The following DPM1 variants were observed in gnomAD, a reference collection of about 807,000 sequenced individuals.
DPM1 encodes the protein dolichol-phosphate mannosyltransferase subunit 1.
DPM1 carries 27 observed loss-of-function variants against 39.0 expected under a neutral mutation model. That is an observed-to-expected ratio of 0.69 (90% CI 0.51 to 0.95). DPM1 has a LOEUF of 0.95. Among genes scored for constraint, DPM1 ranks in the 40% least tolerant of loss-of-function variants. The pLI, the probability that DPM1 is intolerant of heterozygous loss-of-function variation, is 0.00. For synonymous variants in DPM1, 124 were observed against 109.0 expected, an observed-to-expected ratio of 1.14 and a Z score of -0.86; for missense variants, 307 against 315.6, an observed-to-expected ratio of 0.97 and a Z score of 0.21.
intron 5 of DPM1, 47 bp downstream of exon 5, chr20:50,945,690 A>G: frequency 6.9e-7 from 1 of 1,459,346 alleles, no homozygotes; most frequent in Admixed American, 1.7e-5. Flanking sequence ...CCAGTAAGAT[A>G]AATGTTTCCA....
intron 5 of DPM1, chr20:50,944,537 G>C (rs957771629): frequency 1.1e-4 from 17 of 152,412 alleles, no homozygotes; most frequent in African/African-American, 4.1e-4. Flanking sequence ...AAAAAGGAAG[G>C]AGCACAAGGC....
intron 8 of DPM1, 111 bp from the exon 9 acceptor site, chr20:50,935,347 C>T (rs555496842): frequency 1.4e-6 from 1 of 719,398 alleles, no homozygotes; most frequent in Non-Finnish European, 2.5e-6. Flanking sequence ...CAACAGAGGT[C>T]CTTAAAGTAA....
intron 1 of DPM1, among the ~76,000 whole-genome samples, chr20:50,957,935 C>T (rs1245838749): frequency 1.3e-5 from 2 of 152,220 alleles, no homozygotes; most frequent in African/African-American, 2.4e-5. Context: ...CCCTAACCCA[C>T]ACACACCAAA....
chr20:50,945,129 A>G (rs932083103), intron 5 of DPM1: 5 of 153,196 alleles, frequency 3.3e-5, no homozygotes, highest in African/African-American at 1.2e-4. Context: ...CCTTTTGTTC[A>G]CGGTGTTTTA....
upstream of DPM1, chr20:50,958,541 T>G (rs1277387187): frequency 2.5e-6 from 4 of 1,612,560 alleles, no homozygotes; most frequent in Non-Finnish European, 3.4e-6. Flanking sequence ...CTGAGCCAGA[T>G]GCCGGAAGCG....
At chr20:50,946,190 A>G (rs1022212982) in intron 3 of DPM1, among the ~76,000 whole-genome samples, 6 of 152,240 alleles carry the variant, frequency 3.9e-5, no homozygotes, top group Non-Finnish European at 8.8e-5. Flanking sequence ...GAAATAGTTT[A>G]TAAGTTCAAA....
chr20:50,949,855 T>A (rs1190148122), intron 2 of DPM1, among the ~76,000 whole-genome samples: 1 of 152,158 alleles, frequency 6.6e-6, no homozygotes, highest in Non-Finnish European at 1.5e-5. Context: ...TCTATGTGTA[T>A]CCTTACAAGT....
intron 2 of DPM1, among the ~76,000 whole-genome samples, chr20:50,950,095 C>T (rs1324876446): frequency 9.2e-5 from 14 of 152,072 alleles, no homozygotes; most frequent in Admixed American, 9.2e-4. Context: ...TGCTTTGATT[C>T]CTTACTTTTT....
chr20:50,945,773 A>G lies in DPM1; in HGVS notation c.373-11T>C, dbSNP rs750138754. The G allele has an allele frequency of 4.4e-6, 7 of 1,605,416 alleles. No homozygotes were observed. Among genetic ancestry groups the G allele is most frequent in the Admixed American group, 1.7e-5 (1 of 60,000 alleles). On this transcript the variant is annotated splice_polypyrimidine_tract_variant and intron_variant, in intron 4 of 8. Transcript: ENST00000371588. ...AGGAATAAATTTTGGCTGAAATTTG[A>G]AAAGAATAAACAGTAAGTCAGTAAA...
At chr20:50,943,547 G>A (rs1419047573) in intron 5 of DPM1, among the ~76,000 whole-genome samples, 1 of 151,786 alleles carries the variant, frequency 6.6e-6, no homozygotes, top group Non-Finnish European at 1.5e-5. Context: ...TTCTAGTAGG[G>A]ACGGGGTTTC....
chr20:50,954,800 G>C (rs2123142230), intron 2 of DPM1, among the ~76,000 whole-genome samples: 1 of 152,260 alleles, frequency 6.6e-6, no homozygotes, highest in South Asian at 2.1e-4. Context: ...ATTCTCTAAT[G>C]AAAGCATGAG....
chr20:50,952,803 GAGTA>G (rs1187291801), intron 2 of DPM1, among the ~76,000 whole-genome samples: 1 of 152,158 alleles, frequency 6.6e-6, no homozygotes, highest in Non-Finnish European at 1.5e-5. Context: ...TTTATTATCA[GAGTA>G]AGTTTTTAAA....
At chr20:50,958,136 T>C (rs1031883168) in intron 1 of DPM1, among the ~76,000 whole-genome samples, 1 of 152,108 alleles carries the variant, frequency 6.6e-6, no homozygotes, top group Non-Finnish European at 1.5e-5. Context: ...ATAATAAAGA[T>C]AAATGAGAGT....
intron 6 of DPM1, chr20:50,941,229 T>TATATATATATATATATATAC (rs1568762398): frequency 1.9e-5 from 1 of 52,906 alleles, no homozygotes; most frequent in Non-Finnish European, 3.4e-5. Context: ...AAAAAGTGAA[T>TATATATATATATATATATAC]ATATATATAT....
At chr20:50,952,533 A>G (rs1986632621) in intron 2 of DPM1, among the ~76,000 whole-genome samples, 3 of 152,184 alleles carry the variant, frequency 2.0e-5, no homozygotes, top group Admixed American at 1.3e-4. Context: ...AGGAGAAAAT[A>G]AAAATAAATC....
chr20:50,952,253 G>A (rs538974622), intron 2 of DPM1, among the ~76,000 whole-genome samples: 1 of 152,262 alleles, frequency 6.6e-6, no homozygotes, highest in African/African-American at 2.4e-5. Flanking sequence ...ATACTTTTAT[G>A]GGAAACTATA....
intron 7 of DPM1, among the ~76,000 whole-genome samples, chr20:50,937,453 GT>G (rs963746110): frequency 3.2e-4 from 48 of 147,938 alleles, no homozygotes; most frequent in African/African-American, 1.1e-3. Context: ...TGGGTTTCAG[GT>G]TTTTTTTTTA....
At chr20:50,940,535 G>C (rs1310767667) in intron 7 of DPM1, among the ~76,000 whole-genome samples, 1 of 152,198 alleles carries the variant, frequency 6.6e-6, no homozygotes, top group African/African-American at 2.4e-5. Context: ...AGACAATGCT[G>C]TAGGTATTCA....
chr20:50,937,283 G>C (rs1985268638), intron 7 of DPM1, among the ~76,000 whole-genome samples: 1 of 152,124 alleles, frequency 6.6e-6, no homozygotes, highest in African/African-American at 2.4e-5. Context: ...GTATAGGACA[G>C]CACAGCCCTT....
Sources: allele counts gnomAD v4.1 joint callset (sites outside exome capture counted in the v4.1 genomes callset), GRCh38; gene constraint gnomAD v4.1.1; transcripts MANE v1.5; gene names NCBI Gene and HGNC (gene_info 2026-07-23, HGNC 2026-07-21).